The following NDUFA7 variants were observed in gnomAD, a reference collection of about 807,000 sequenced individuals.
NDUFA7 encodes the protein NADH dehydrogenase [ubiquinone] 1 alpha subcomplex subunit 7.
NDUFA7 carries 18 observed loss-of-function variants against 14.2 expected under a neutral mutation model. The observed-to-expected ratio is 1.27, with a 90% confidence interval of 0.88 to 1.88. NDUFA7 has a LOEUF of 1.88. NDUFA7 is among the 40% of genes most tolerant of loss of function. The probability of loss-of-function intolerance (pLI) is 0.00; values close to 1 mark genes in which losing one functional copy is unlikely to be tolerated. For missense variants in NDUFA7, 172 were observed against 147.3 expected (o/e 1.17, Z -0.87); for synonymous variants, 75 against 62.1 (o/e 1.21, Z -0.98).
At chr19:8,317,707 C>G (rs1428538855) in intron 2 of NDUFA7, among the ~76,000 whole-genome samples, 1 of 152,142 alleles carries the variant, frequency 6.6e-6, no homozygotes, top group Non-Finnish European at 1.5e-5. Context: ...TATATGCAAT[C>G]ATATGATCGC....
chr19:8,309,738 G>A (rs769275765), downstream of NDUFA7, among the ~76,000 whole-genome samples: 1 of 152,116 alleles, frequency 6.6e-6, no homozygotes, highest in African/African-American at 2.4e-5. Context: ...AGGGCAGGGC[G>A]GTCTCAGCAC....
Position 8,311,469 on chromosome 19 carries a change from G to C in NDUFA7, c.*36C>G. The C allele has an allele frequency of 6.5e-7, 1 of 1,527,332 alleles. No individual in the cohort carries two copies. Among genetic ancestry groups the C allele is most frequent in the Non-Finnish European group, 8.9e-7 (1 of 1,118,668 alleles). 94.6% of individuals were successfully genotyped at this position (1,527,332 alleles called of 1,614,324 possible). A position where few individuals can be genotyped will look rare whatever the true frequency, so the allele number is the denominator to read the frequency against. On this transcript the variant is annotated 3_prime_UTR_variant, in exon 4 of 4. Coordinates refer to ENST00000301457, the MANE Select transcript of NDUFA7 (RefSeq NM_005001.5). ...ACATTCTCCCTGGAGGAAATCCAAG[G>C]AGGCAAAGTAGTCGGGTGGCCGTGA...
intron 1 of NDUFA7, 140 bp from the exon 2 acceptor site, chr19:8,321,046 G>T: frequency 9.9e-7 from 1 of 1,006,522 alleles, no homozygotes; most frequent in East Asian, 2.4e-5. Flanking sequence ...ACGGATGTGG[G>T]TCCTGCAGGT....
At chr19:8,316,411 A>G in intron 3 of NDUFA7, 85 bp downstream of exon 3, 2 of 1,554,822 alleles carry the variant, frequency 1.3e-6, no homozygotes, top group Non-Finnish European at 8.7e-7. Flanking sequence ...GGATCTTGAC[A>G]AGCACCCTTT....
downstream of NDUFA7, among the ~76,000 whole-genome samples, chr19:8,309,047 C>T (rs891344403): frequency 6.6e-6 from 1 of 151,758 alleles, no homozygotes; most frequent in Non-Finnish European, 1.5e-5. Flanking sequence ...ACAGCAAGTC[C>T]CCGCCCGCCT....
chr19:8,311,482 C>A lies in NDUFA7; in HGVS notation c.*23G>T. 1 of 1,567,302 alleles carries A rather than the reference C, an allele frequency of 6.4e-7. No homozygotes were observed. Among genetic ancestry groups the A allele is most frequent in the Non-Finnish European group, 8.7e-7 (1 of 1,151,148 alleles). On this transcript the variant is annotated 3_prime_UTR_variant, in exon 4 of 4. Coordinates refer to ENST00000301457, the MANE Select transcript of NDUFA7 (RefSeq NM_005001.5). ...AGGAAATCCAAGGAGGCAAAGTAGT[C>A]GGGTGGCCGTGAGGGTGCAGTGTCA...
At chr19:8,317,682 C>T (rs1212486715) in intron 2 of NDUFA7, among the ~76,000 whole-genome samples, 1 of 152,152 alleles carries the variant, frequency 6.6e-6, no homozygotes, top group Non-Finnish European at 1.5e-5. Flanking sequence ...ATCATATGCA[C>T]TGCAGCCTGG....
At chr19:8,319,847 T>C (rs1361270828) in intron 2 of NDUFA7, among the ~76,000 whole-genome samples, 1 of 152,132 alleles carries the variant, frequency 6.6e-6, no homozygotes, top group African/African-American at 2.4e-5. Flanking sequence ...AGAATGTTTT[T>C]TCTTTTTTAT....
chr19:8,316,804 A>G, intron 2 of NDUFA7, 159 bp from the exon 3 acceptor site: 1 of 806,716 alleles, frequency 1.2e-6, no homozygotes, highest in African/African-American at 1.7e-5. Flanking sequence ...GCAGGGACAT[A>G]TGCCTGGGGA....
Position 8,316,569 on chromosome 19 carries a change from G to C in NDUFA7, c.178C>G (p.Arg60Gly). 3 of 1,614,146 alleles carry C rather than the reference G, an allele frequency of 1.9e-6. No individual in the cohort carries two copies. ...SNNYYCTRDG[R>G]RESVPPSIIM... is the part of the protein sequence containing the mutation. ...ATGGAAGGGGGCACAGATTCCCGGC[G>C]GCCATCGCGAGTGCAATAGTAATTG... is the stretch of plus-strand genomic sequence containing the variant. Residue 60 changes from arginine to glycine, a missense_variant, in exon 3 of 4, where the codon CGC (arginine) becomes GGC (glycine). Physicochemically the swap from Arg to Gly is moderately radical, Grantham distance 125. Transcript: ENST00000301457.
chr19:8,316,656 A>G lies in NDUFA7; in HGVS notation c.102-11T>C. On this transcript the variant is annotated splice_polypyrimidine_tract_variant and intron_variant, in intron 2 of 3. Transcript: ENST00000301457. The stretch of plus-strand genomic sequence containing the variant: ...GGAGGAGGCTGAGTTCTGAGGGGAA[A>G]AAAGATGAGCACTGAAGCAAAGAGA... 6.2e-7 allele frequency: 1 copy of G among 1,613,662 alleles called. No homozygotes were observed.
intron 3 of NDUFA7, among the ~76,000 whole-genome samples, chr19:8,315,823 G>T (rs553937997): frequency 5.3e-4 from 81 of 152,082 alleles, no homozygotes; most frequent in African/African-American, 1.8e-3. Flanking sequence ...CAGCCTGGGC[G>T]ACGCAGGGAG....
At position 8,320,843 on chromosome 19, in the gene NDUFA7, C is replaced by T; in HGVS notation, c.101+14G>A. 1.2e-6 allele frequency: 2 copies of T among 1,613,596 alleles called. No homozygotes were observed. The highest frequency in any genetic ancestry group is 1.7e-6 in the Non-Finnish European group (2 of 1,179,952). On this transcript the variant is annotated intron_variant, in intron 2 of 3. Coordinates refer to ENST00000301457, the MANE Select transcript of NDUFA7 (RefSeq NM_005001.5). ...ACAGAGCCAGAGGCTGGGCAGCGAGCGGGGCCTGCTCACCGCTTGGAGATC... is the reference window on the plus strand; with the variant it reads ...ACAGAGCCAGAGGCTGGGCAGCGAGTGGGGCCTGCTCACCGCTTGGAGATC...
intron 1 of NDUFA7, 199 bp from the exon 2 acceptor site, chr19:8,321,105 C>T (rs760615599): frequency 3.3e-5 from 29 of 867,116 alleles, no homozygotes; most frequent in Non-Finnish European, 5.0e-5. Flanking sequence ...CTAAGAAGGT[C>T]GGGGACTGGG....
At chr19:8,320,353 C>T (rs1320869709) in intron 2 of NDUFA7, among the ~76,000 whole-genome samples, 1 of 152,144 alleles carries the variant, frequency 6.6e-6, no homozygotes, top group Non-Finnish European at 1.5e-5. Flanking sequence ...TATGCTTCTC[C>T]CTAGAATGTG....
chr19:8,315,037 G>A lies in NDUFA7; in HGVS notation c.251+1459C>T, dbSNP rs117687368. Among the ~76,000 whole-genome samples the A allele has an allele frequency of 2.0e-5, 3 of 152,320 alleles. No individual in the cohort carries two copies. In the East Asian group the frequency reaches 5.8e-4, roughly 29 times the overall value. On this transcript the variant is annotated intron_variant, in intron 3 of 3. Transcript: ENST00000301457. ...GTCAACTCAGAGTTAAATGGATTAAGGGCAGTGCAGGATGTGCTTTGTTAA... is the reference window on the plus strand; with the variant it reads ...GTCAACTCAGAGTTAAATGGATTAAAGGCAGTGCAGGATGTGCTTTGTTAA...
intron 3 of NDUFA7, among the ~76,000 whole-genome samples, chr19:8,314,856 A>G (rs8109720): frequency 0.12 from 17,493 of 151,794 alleles, 2,037 homozygotes; most frequent in African/African-American, 0.3. Context: ...CAGAGCTTGC[A>G]GTGAGCCGAG....
intron 3 of NDUFA7, among the ~76,000 whole-genome samples, chr19:8,314,243 C>G (rs1970208721): frequency 6.6e-6 from 1 of 152,110 alleles, no homozygotes; most frequent in Non-Finnish European, 1.5e-5. Context: ...ATCACTTGAT[C>G]CTAGGAGGTG....
chr19:8,315,468 CCTT>C (rs1423829641), intron 3 of NDUFA7, among the ~76,000 whole-genome samples: 4 of 152,062 alleles, frequency 2.6e-5, no homozygotes, highest in Admixed American at 2.0e-4. Context: ...CAATACTGCT[CCTT>C]AAGGCATTGA....
Sources: gnomAD v4.1 joint callset for allele counts (sites outside exome capture counted in the v4.1 genomes callset) on GRCh38, gnomAD v4.1.1 for gene constraint, MANE v1.5 for transcripts, NCBI Gene and HGNC (gene_info 2026-07-23, HGNC 2026-07-21) for gene names.